Variants in STXBP5 observed in about 807,000 individuals in gnomAD.
The protein encoded by STXBP5 is syntaxin binding protein 5.
Under a neutral mutation model 152.4 loss-of-function variants are expected in STXBP5, and 50 were observed. The observed-to-expected ratio is 0.33, with a 90% confidence interval of 0.26 to 0.42. The LOEUF (loss-of-function observed/expected upper bound fraction) is 0.42. STXBP5 is among the 10% of genes least tolerant of loss of function. The pLI is 1.00. For missense variants in STXBP5, 1,167 were observed against 1,388.6 expected, an observed-to-expected ratio of 0.84 and a Z score of 2.54; for synonymous variants, 492 against 494.7, an observed-to-expected ratio of 0.99 and a Z score of 0.07.
chr6:147,244,528 C>T (rs531569958), intron 4 of STXBP5, among the ~76,000 whole-genome samples: 10 of 152,030 alleles, frequency 6.6e-5, no homozygotes, highest in Admixed American at 2.0e-4. Context: ...TTTACGTCTC[C>T]GAAATTGCAA....
chr6:147,310,149 C>T lies in STXBP5; in HGVS notation c.983C>T (p.Thr328Ile). The T allele has an allele frequency of 6.2e-7, 1 of 1,604,644 alleles. No homozygotes were observed. Among genetic ancestry groups the T allele is most frequent in the Non-Finnish European group, 8.5e-7 (1 of 1,177,256 alleles). ...YDTVGRRPCL[T>I]VMHGKSTAVL... ...ACTGTAGGAAGAAGACCTTGCTTAA[C>T]AGTGATGCATGGGAAAAGCACTGCT... The change falls in exon 10 of 28, where the codon ACA (threonine) becomes ATA (isoleucine). Residue 328 changes from threonine (T) to isoleucine (I), a missense_variant. Coordinates refer to ENST00000321680, the MANE Select transcript of STXBP5 (RefSeq NM_001127715.4).
Position 147,387,908 on chromosome 6 carries a change from G to A in STXBP5, c.*3153G>A, listed in dbSNP as rs1302293391. ...CATACTTTTAGGTTACAGGGGTGCT[G>A]GGGAGACAGCTGAGGAAAGGAAGAA... is the stretch of plus-strand genomic sequence containing the variant. On this transcript the variant is annotated 3_prime_UTR_variant, in exon 28 of 28. Coordinates refer to ENST00000321680, the MANE Select transcript of STXBP5 (RefSeq NM_001127715.4). 6.6e-6 allele frequency: 1 copy of A among 151,616 alleles called. No homozygotes were observed. Among genetic ancestry groups the A allele is most frequent in the East Asian group, 1.9e-4 (1 of 5,162 alleles). The allele number at this position is 151,616 out of a possible 1,614,324, so 9.4% of individuals were successfully genotyped here.
At chr6:147,267,252 TTA>T in intron 7 of STXBP5, 85 bp downstream of exon 7, 2 of 1,106,180 alleles carry the variant, frequency 1.8e-6, no homozygotes, top group Middle Eastern at 4.7e-4. Context: ...TAATTTTACT[TTA>T]GGCAAACTTT....
At chr6:147,250,608 G>C (rs1779036508) in intron 4 of STXBP5, among the ~76,000 whole-genome samples, 1 of 152,098 alleles carries the variant, frequency 6.6e-6, no homozygotes, top group Non-Finnish European at 1.5e-5. Flanking sequence ...TACCAAGGTA[G>C]AACAGTAACC....
chr6:147,282,506 T>A (rs939980849), intron 8 of STXBP5, among the ~76,000 whole-genome samples: 2 of 152,202 alleles, frequency 1.3e-5, no homozygotes, highest in Non-Finnish European at 2.9e-5. Context: ...GAACAGGATT[T>A]TTAAGCTACA....
rs1786409745 is a variant in STXBP5 at position 147,387,754 on chromosome 6, T to G, written c.*2999T>G. On this transcript the variant is annotated 3_prime_UTR_variant, in exon 28 of 28. Coordinates refer to ENST00000321680, the MANE Select transcript of STXBP5 (RefSeq NM_001127715.4). ...TATTATGTGTAAGTATATTACAATT[T>G]AATTAAGTACAATAGTTTAAAGAAC... The G allele has an allele frequency of 6.6e-6, 1 of 151,750 alleles. No homozygotes were observed. The highest frequency in any genetic ancestry group is 2.4e-5 in the African/African-American group (1 of 41,392). The allele number at this position is 151,750 out of a possible 1,614,324, so 9.4% of individuals were successfully genotyped here.
At chr6:147,325,350 T>A (rs945569288) in intron 17 of STXBP5, among the ~76,000 whole-genome samples, 1 of 152,190 alleles carries the variant, frequency 6.6e-6, no homozygotes, top group African/African-American at 2.4e-5. Flanking sequence ...AAAGTCAGTA[T>A]ATCCTCTCCT....
Position 147,364,041 on chromosome 6 carries a change from C to G in STXBP5, c.2956C>G (p.Pro986Ala), listed in dbSNP as rs1785185073. 6.2e-7 allele frequency: 1 copy of G among 1,613,844 alleles called. No individual in the cohort carries two copies. The highest frequency in any genetic ancestry group is 1.3e-5 in the African/African-American group (1 of 74,886). ...ACCTCTGTTGGATGTGTATTACTTGCCCCTTACCAATATGCGGATAGCCAG... is the reference window on the plus strand; with the variant it reads ...ACCTCTGTTGGATGTGTATTACTTGGCCCTTACCAATATGCGGATAGCCAG... ...LRPLLDVYYLPLTNMRIARTF... is the reference protein window; with the variant it reads ...LRPLLDVYYLALTNMRIARTF... Residue 986 changes from proline (P) to alanine (A), a missense_variant, in exon 25 of 28, where the codon CCC (proline) becomes GCC (alanine). Pro to Ala is a conservative substitution (Grantham distance 27, BLOSUM62 -1). This residue lies in a region of STXBP5 where 833 missense variants were observed against 986.3 expected (regional missense o/e 0.84). Coordinates refer to ENST00000321680, the MANE Select transcript of STXBP5 (RefSeq NM_001127715.4).
chr6:147,346,784 AG>A (rs1246131692), intron 21 of STXBP5, among the ~76,000 whole-genome samples: 1 of 152,004 alleles, frequency 6.6e-6, no homozygotes, highest in Non-Finnish European at 1.5e-5. Flanking sequence ...TTTAGGCCTT[AG>A]GTTTGGGACT....
chr6:147,234,915 C>T (rs963498574), intron 2 of STXBP5, among the ~76,000 whole-genome samples: 1 of 151,938 alleles, frequency 6.6e-6, no homozygotes, highest in Non-Finnish European at 1.5e-5. Flanking sequence ...TAGATCCAAC[C>T]ACCTTTTGTC....
intron 9 of STXBP5, among the ~76,000 whole-genome samples, chr6:147,300,189 G>T (rs1414248081): frequency 6.6e-6 from 1 of 151,984 alleles, no homozygotes; most frequent in Non-Finnish European, 1.5e-5. Flanking sequence ...CTTTTTCATG[G>T]ATTGGAAGAA....
intron 7 of STXBP5, 70 bp downstream of exon 7, chr6:147,267,237 A>G: frequency 7.4e-7 from 1 of 1,345,874 alleles, no homozygotes; most frequent in Non-Finnish European, 1.0e-6. Context: ...TAAAAACTTA[A>G]TTGGTAATTT....
chr6:147,227,647 T>A (rs1377297226), intron 2 of STXBP5, among the ~76,000 whole-genome samples: 1 of 152,152 alleles, frequency 6.6e-6, no homozygotes, highest in Non-Finnish European at 1.5e-5. Flanking sequence ...AGCTCTTGGC[T>A]CCCCACTTTG....
rs1779605675 is a variant in STXBP5, at chr6:147,260,811, CA to C, written c.566+63del. 2.6e-6 allele frequency: 4 copies of C among 1,531,404 alleles called. No individual in the cohort carries two copies. The Admixed American group carries it at 6.1e-5, about 23-fold the overall frequency. 94.9% of individuals were successfully genotyped at this position (1,531,404 alleles called of 1,614,324 possible). ...AGTTCTATATATAATAATACCGTTA[CA>C]TCATAGCCAATCAGTAAATCTGTAT... is the stretch of plus-strand genomic sequence containing the variant. On this transcript the variant is annotated intron_variant, in intron 5 of 27. Transcript: ENST00000321680.
At chr6:147,210,642 C>G (rs1776799871) in intron 2 of STXBP5, among the ~76,000 whole-genome samples, 1 of 152,194 alleles carries the variant, frequency 6.6e-6, no homozygotes, top group African/African-American at 2.4e-5. Context: ...CCCTCCAACA[C>G]ACTTCCAGGT....
intron 25 of STXBP5, among the ~76,000 whole-genome samples, chr6:147,369,557 A>G (rs559913422): frequency 2.0e-5 from 3 of 152,184 alleles, no homozygotes; most frequent in South Asian, 4.1e-4. Flanking sequence ...TGGGCAAAAC[A>G]TATATCTAAT....
rs115374810 is a variant in STXBP5, at chr6:147,383,497, A to G, written c.3414+499A>G. ...TTTGCAATGGTGGACCTAGGAAGTC[A>G]TGATAGAGCTCAGAAACACACGCTG... On this transcript the variant is annotated intron_variant, in intron 27 of 27. Coordinates refer to ENST00000321680, the MANE Select transcript of STXBP5 (RefSeq NM_001127715.4). Among the ~76,000 whole-genome samples, 1,419 of 152,236 alleles carry G rather than the reference A, an allele frequency of 9.3e-3. 25 individuals carry two copies. Among genetic ancestry groups the G allele is most frequent in the African/African-American group, 0.033 (1,352 of 41,548 alleles).
chr6:147,376,615 G>C (rs953455037), intron 26 of STXBP5, among the ~76,000 whole-genome samples: 7 of 152,010 alleles, frequency 4.6e-5, no homozygotes, highest in Non-Finnish European at 5.9e-5. Context: ...CCAGGAGTTC[G>C]AGACCAGCCT....
intron 26 of STXBP5, among the ~76,000 whole-genome samples, chr6:147,377,391 C>T (rs967604482): frequency 6.6e-6 from 1 of 151,884 alleles, no homozygotes; most frequent in African/African-American, 2.4e-5. Flanking sequence ...GTTAGAAAAA[C>T]AGCAAAATAA....
Sources: allele counts gnomAD v4.1 joint callset (sites outside exome capture counted in the v4.1 genomes callset), GRCh38; gene constraint gnomAD v4.1.1; regional missense constraint gnomAD v4.1.1; transcripts MANE v1.5; gene names NCBI Gene and HGNC (gene_info 2026-07-23, HGNC 2026-07-21).